C5orf34: variants seen among roughly 807,000 people sequenced by gnomAD.
C5orf34 encodes uncharacterized protein C5orf34.
In C5orf34, 73 loss-of-function variants were observed where a neutral mutation model predicts 78.4. That is an observed-to-expected ratio of 0.93 (90% CI 0.77 to 1.13). C5orf34 has a LOEUF of 1.13. Ranked by LOEUF, C5orf34 falls within the 50% of genes most tolerant of loss-of-function variation. The probability of loss-of-function intolerance (pLI) is 0.00; values close to 1 mark genes in which losing one functional copy is unlikely to be tolerated. For missense variants in C5orf34, 730 were observed against 732.7 expected, an observed-to-expected ratio of 1.00 and a Z score of 0.04; for synonymous variants, 251 against 246.6, an observed-to-expected ratio of 1.02 and a Z score of -0.17.
intron 3 of C5orf34, among the ~76,000 whole-genome samples, chr5:43,507,095 C>T (rs1746014030): frequency 6.6e-6 from 1 of 152,064 alleles, no homozygotes; most frequent in African/African-American, 2.4e-5. Context: ...CCTGGCACAC[C>T]ATACACTAAA....
chr5:43,495,178 A>T, intron 6 of C5orf34: 5 of 1,610,974 alleles, frequency 3.1e-6, no homozygotes, highest in Non-Finnish European at 4.2e-6. Context: ...TCTGTCTCAT[A>T]TCACGAACAG....
rs569285580 is a variant in C5orf34 at position 43,502,033 on chromosome 5, G to A, written c.1152+339C>T. Among the ~76,000 whole-genome samples, 29 of 152,298 alleles carry A rather than the reference G, an allele frequency of 1.9e-4. No homozygotes were observed. In the East Asian group the frequency reaches 5.0e-3, roughly 26 times the overall value. ...AATTACATGGTGGGGAAAAAAGAAT[G>A]TGCTTTTGCTTTTTAATGTACAAAT... is the stretch of plus-strand genomic sequence containing the variant. On this transcript the variant is annotated intron_variant, in intron 6 of 12. Transcript: ENST00000306862.
rs79868171 is a variant in C5orf34, at chr5:43,515,003, G to T, written c.-234C>A. 3,752 of 152,342 alleles carry T rather than the reference G, an allele frequency of 0.025. 59 individuals are homozygous for T. Among genetic ancestry groups the T allele is most frequent in the Middle Eastern group, 0.058 (17 of 294 alleles). The allele number at this position is 152,342 out of a possible 1,614,324, so 9.4% of individuals were successfully genotyped here. A position where few individuals can be genotyped will look rare whatever the true frequency, so the allele number is the denominator to read the frequency against. ...AATCACAACCCTAGAGGAATAAGGT[G>T]GCAGGGAGAGTGTTTTGGCCAAGAT... On this transcript the variant is annotated 5_prime_UTR_variant, in exon 1 of 13. Coordinates refer to ENST00000306862, the MANE Select transcript of C5orf34 (RefSeq NM_198566.4).
At position 43,495,465 on chromosome 5, in the gene C5orf34, C is replaced by A. The variant is rs866048534; in HGVS notation, c.1153-864G>T. ...AAGTCAGCTGTTTCCATTGGTGGGT[C>A]ATTTTTGCTGTCACCAGCAACGTTG... On this transcript the variant is annotated intron_variant, in intron 6 of 12. Transcript: ENST00000306862. The A allele has an allele frequency of 8.1e-6, 13 of 1,609,634 alleles. No individual in the cohort carries two copies. In the Middle Eastern group the frequency reaches 1.8e-3, roughly 221 times the overall value.
intron 7 of C5orf34, 37 bp downstream of exon 7, chr5:43,494,473 A>T (rs768423993): frequency 7.5e-7 from 1 of 1,342,260 alleles, no homozygotes; most frequent in East Asian, 2.3e-5. Context: ...ATGTTTAGAC[A>T]CATAACATTT....
intron 1 of C5orf34, among the ~76,000 whole-genome samples, chr5:43,511,450 G>T (rs1746254501): frequency 6.7e-6 from 1 of 149,974 alleles, no homozygotes; most frequent in Admixed American, 6.6e-5. Context: ...CAACCGGGAG[G>T]TGGGGGGCGC....
Position 43,493,565 on chromosome 5 carries a change from T to A in C5orf34, c.1292A>T (p.Tyr431Phe). Residue 431 changes from tyrosine to phenylalanine, a missense_variant, in exon 8 of 13, where the codon TAT becomes TTT. Coordinates refer to ENST00000306862, the MANE Select transcript of C5orf34 (RefSeq NM_198566.4). ...TACCATTTTCCAGCAGCATATACGA[T>A]AGTTATGGCTTAAAGAAAGTCTCAT... ...VKMRLSLSHNYRICCWKMVPG... is the reference protein window; with the variant it reads ...VKMRLSLSHNFRICCWKMVPG... 1 of 1,574,146 alleles carries A rather than the reference T, an allele frequency of 6.4e-7. No homozygotes were observed. Among genetic ancestry groups the A allele is most frequent in the East Asian group, 2.3e-5 (1 of 43,870 alleles).
At chr5:43,492,977 G>T in intron 8 of C5orf34, 87 bp from the exon 9 acceptor site, 2 of 761,732 alleles carry the variant, frequency 2.6e-6, no homozygotes, top group Non-Finnish European at 1.9e-6. Context: ...GGGCAATTTT[G>T]GATACTTATT....
chr5:43,490,661 T>C lies in C5orf34; in HGVS notation c.1649A>G (p.His550Arg). 1 of 1,610,914 alleles carries C rather than the reference T, an allele frequency of 6.2e-7. No individual in the cohort carries two copies. The highest frequency in any genetic ancestry group is 2.2e-5 in the East Asian group (1 of 44,718). The change falls in exon 11 of 13, where the codon CAT (histidine) becomes CGT (arginine). Residue 550 changes from histidine to arginine, a missense_variant. Physicochemically the swap from His to Arg is conservative, Grantham distance 29. Transcript: ENST00000306862. Reference sequence around the variant, plus strand: ...TTCTTGGAGAACAGAAGATGACGAATGAGTGGGCATCTCTCTGGGACTAGT... The same window carrying C: ...TTCTTGGAGAACAGAAGATGACGAACGAGTGGGCATCTCTCTGGGACTAGT... ...TQTSPREMPT[H>R]SSSSVLQENW... is the part of the protein sequence containing the mutation.
chr5:43,494,438 C>A, intron 7 of C5orf34, 72 bp downstream of exon 7: 1 of 991,488 alleles, frequency 1.0e-6, no homozygotes, highest in East Asian at 2.5e-5. Flanking sequence ...TAATCTTATC[C>A]TTAATCACAA....
At chr5:43,502,221 C>T in intron 6 of C5orf34, 151 bp downstream of exon 6, 1 of 739,872 alleles carries the variant, frequency 1.4e-6, no homozygotes, top group South Asian at 1.6e-5. Context: ...AATTACTGTA[C>T]CAATGCTGGC....
rs751537516 is a variant in C5orf34, at chr5:43,492,838, A to G, written c.1367T>C (p.Leu456Pro). Residue 456 changes from leucine to proline, a missense_variant, in exon 9 of 13, where the codon CTC (leucine) becomes CCC (proline). Coordinates refer to ENST00000306862, the MANE Select transcript of C5orf34 (RefSeq NM_198566.4). ...AAGAAATCTTCCCACACTGGGTATG[A>G]GTGACTCTTTCAAAACCAAAGGCAG... is the stretch of plus-strand genomic sequence containing the variant. The part of the protein sequence containing the change: ...NILPLVLKES[L>P]IPSVGRFLAY... 6.2e-7 allele frequency: 1 copy of G among 1,611,854 alleles called. No homozygotes were observed. Among genetic ancestry groups the G allele is most frequent in the Non-Finnish European group, 8.5e-7 (1 of 1,178,386 alleles).
chr5:43,509,414 C>A (rs1746129445), intron 1 of C5orf34, 39 bp from the exon 2 acceptor site: 1 of 1,204,328 alleles, frequency 8.3e-7, no homozygotes, highest in Non-Finnish European at 1.1e-6. Context: ...AAATAGTTCT[C>A]TTAATGTACA....
At chr5:43,503,028 A>G (rs893774082) in intron 5 of C5orf34, among the ~76,000 whole-genome samples, 1 of 152,216 alleles carries the variant, frequency 6.6e-6, no homozygotes, top group South Asian at 2.1e-4. Flanking sequence ...ATTAACATAC[A>G]TGTTAGAATA....
chr5:43,510,513 G>A (rs1262552620), intron 1 of C5orf34, among the ~76,000 whole-genome samples: 1 of 152,186 alleles, frequency 6.6e-6, no homozygotes, highest in Non-Finnish European at 1.5e-5. Context: ...CTGTACTGCT[G>A]CCATCTCGGC....
intron 6 of C5orf34, chr5:43,495,784 G>T: frequency 5.1e-6 from 8 of 1,578,784 alleles, no homozygotes; most frequent in Non-Finnish European, 7.0e-6. Flanking sequence ...GCAGCATGGT[G>T]CCGCTGGCAC....
chr5:43,499,901 AT>A (rs1391081519), intron 6 of C5orf34, among the ~76,000 whole-genome samples: 1 of 151,988 alleles, frequency 6.6e-6, no homozygotes, highest in Non-Finnish European at 1.5e-5. Context: ...GTTGCTTCTG[AT>A]TTTTTGCTGC....
At chr5:43,494,718 CAAAAT>C in intron 6 of C5orf34, 117 bp from the exon 7 acceptor site, 1 of 524,084 alleles carries the variant, frequency 1.9e-6, no homozygotes, top group East Asian at 3.0e-5. Flanking sequence ...GTTATTTTAA[CAAAAT>C]AAAGCCCACA....
At position 43,496,259 on chromosome 5, in the gene C5orf34, C is replaced by T. The variant is rs1579862127; in HGVS notation, c.1153-1658G>A. On this transcript the variant is annotated intron_variant, in intron 6 of 12. Transcript: ENST00000306862. ...TCAATGGTGATACCACGTTCACGCT[C>T]AGCTTTCAGTTTATGCAAGACCCAG... The T allele has an allele frequency of 5.7e-6, 9 of 1,583,214 alleles. No homozygotes were observed. The East Asian group carries it at 1.8e-4, about 31-fold the overall frequency.
Sources: allele counts gnomAD v4.1 joint callset (sites outside exome capture counted in the v4.1 genomes callset), GRCh38; gene constraint gnomAD v4.1.1; transcripts MANE v1.5; gene names NCBI Gene and HGNC (gene_info 2026-07-23, HGNC 2026-07-21).